MLIP: variants seen among roughly 807,000 people sequenced by gnomAD.
MLIP encodes the protein muscular LMNA interacting protein, also known as muscular LMNA-interacting protein.
MLIP carries 79 observed loss-of-function variants against 84.8 expected under a neutral mutation model. The ratio of observed to expected loss-of-function variants is 0.93; its 90% CI spans 0.78 to 1.12. MLIP has a LOEUF of 1.12. MLIP is among the 50% of genes most tolerant of loss of function. MLIP has a pLI of 0.00. For synonymous variants in MLIP, 504 were observed against 463.0 expected, an observed-to-expected ratio of 1.09 and a Z score of -1.14; for missense variants, 1,257 against 1,160.6, an observed-to-expected ratio of 1.08 and a Z score of -1.21.
At chr6:54,144,272 T>G (rs972962188) in intron 4 of MLIP, among the ~76,000 whole-genome samples, 1 of 152,194 alleles carries the variant, frequency 6.6e-6, no homozygotes, top group African/African-American at 2.4e-5. Flanking sequence ...AAAGTGTACA[T>G]GTAGAGTGAT....
At chr6:54,206,429 G>A (rs186670452) in intron 11 of MLIP, among the ~76,000 whole-genome samples, 32 of 149,698 alleles carry the variant, frequency 2.1e-4, no homozygotes, top group African/African-American at 5.6e-4. Context: ...TTTTTTTTCC[G>A]TTTGTGAGAA....
At chr6:54,123,223 C>T (rs978400477) in intron 2 of MLIP, among the ~76,000 whole-genome samples, 1 of 152,170 alleles carries the variant, frequency 6.6e-6, no homozygotes, top group Non-Finnish European at 1.5e-5. Context: ...GCTTGAGCCA[C>T]CGCGCCCGGC....
intron 1 of MLIP, among the ~76,000 whole-genome samples, chr6:54,105,642 A>T (rs1207252652): frequency 1.3e-5 from 2 of 152,164 alleles, no homozygotes; most frequent in African/African-American, 4.8e-5. Flanking sequence ...GAAAAATAAC[A>T]TGGGCTAAGA....
At chr6:54,229,379 A>G (rs942021223) in intron 11 of MLIP, among the ~76,000 whole-genome samples, 18 of 152,186 alleles carry the variant, frequency 1.2e-4, no homozygotes, top group African/African-American at 3.6e-4. Flanking sequence ...TTCAACTTTT[A>G]AGTTCCAGGG....
chr6:54,248,948 G>T (rs1782270892), intron 12 of MLIP, among the ~76,000 whole-genome samples: 1 of 152,056 alleles, frequency 6.6e-6, no homozygotes, highest in South Asian at 2.1e-4. Flanking sequence ...GTACACAAAA[G>T]AATGTAGTGA....
chr6:54,055,280 AT>A (rs1456188248), intron 1 of MLIP, among the ~76,000 whole-genome samples: 6 of 152,166 alleles, frequency 3.9e-5, no homozygotes, highest in Non-Finnish European at 8.8e-5. Flanking sequence ...CACAGCAGGG[AT>A]TATTTATCAA....
At chr6:54,127,227 GA>G (rs60281395) in intron 3 of MLIP, among the ~76,000 whole-genome samples, 84,224 of 151,900 alleles carry the variant, frequency 0.55, 24,859 homozygotes, top group South Asian at 0.7. Flanking sequence ...TTTAGTGGGG[GA>G]AAAAATTCTC....
At position 54,124,772 on chromosome 6, in the gene MLIP, T is replaced by C; in HGVS notation, c.552T>C (p.Asp184=). ...CTATCTCGTCCAGTCTGGTCTCTGA[T>C]GTAGTGCGTCCCAAAACACAGGGGA... is the stretch of plus-strand genomic sequence containing the variant. ...SLAISSSLVS[D]VVRPKTQGTD... is the part of the protein sequence containing the mutation. The change falls in exon 3 of 14, where the codon GAT becomes GAC. Residue 184 remains aspartate (D), a synonymous_variant. Coordinates refer to ENST00000502396, the MANE Select transcript of MLIP (RefSeq NM_001281747.2). The C allele has an allele frequency of 1.9e-6, 3 of 1,614,190 alleles. No homozygotes were observed. Among genetic ancestry groups the C allele is most frequent in the Non-Finnish European group, 2.5e-6 (3 of 1,180,032 alleles).
At chr6:54,217,701 C>T (rs1054694090) in intron 11 of MLIP, 6 of 984,710 alleles carry the variant, frequency 6.1e-6, no homozygotes, top group African/African-American at 5.2e-5. Context: ...TGAAAGAGGA[C>T]AATTCTCAAG....
chr6:54,172,792 A>G (rs1775902204), intron 9 of MLIP, among the ~76,000 whole-genome samples: 1 of 151,640 alleles, frequency 6.6e-6, no homozygotes, highest in Non-Finnish European at 1.5e-5. Context: ...GTATTGTGAC[A>G]TTTCATACAG....
intron 12 of MLIP, among the ~76,000 whole-genome samples, chr6:54,239,120 T>TA (rs1781552988): frequency 6.6e-6 from 1 of 151,928 alleles, no homozygotes; most frequent in Non-Finnish European, 1.5e-5. Flanking sequence ...AGTAGTCTCT[T>TA]AAAAAATCTC....
upstream of MLIP, among the ~76,000 whole-genome samples, chr6:54,107,307 A>T (rs866580121): frequency 5.9e-5 from 9 of 152,324 alleles, no homozygotes; most frequent in Admixed American, 2.0e-4. Context: ...GCGGTATACT[A>T]CTATAAGCAG....
At chr6:54,190,073 G>A (rs1777765836) in intron 10 of MLIP, among the ~76,000 whole-genome samples, 159 bp downstream of exon 10, 1 of 152,106 alleles carries the variant, frequency 6.6e-6, no homozygotes, top group African/African-American at 2.4e-5. Flanking sequence ...GCTCCATGGT[G>A]GTTGTTTTGC....
At chr6:54,026,985 C>T (rs1440317792) in intron 1 of MLIP, among the ~76,000 whole-genome samples, 2 of 152,128 alleles carry the variant, frequency 1.3e-5, no homozygotes, top group Admixed American at 1.3e-4. Flanking sequence ...ATCAAAAGTG[C>T]TCTCTGGCTG....
At chr6:54,262,469 T>C (rs1783449682) in intron 13 of MLIP, among the ~76,000 whole-genome samples, 1 of 152,054 alleles carries the variant, frequency 6.6e-6, no homozygotes, top group South Asian at 2.1e-4. Flanking sequence ...TCATCTTAAG[T>C]TCACCTGGAA....
chr6:54,121,896 T>C (rs1424778683), intron 2 of MLIP, among the ~76,000 whole-genome samples: 1 of 152,180 alleles, frequency 6.6e-6, no homozygotes, highest in African/African-American at 2.4e-5. Flanking sequence ...AAAACAAAAT[T>C]TAAAAATGTT....
intron 5 of MLIP, among the ~76,000 whole-genome samples, chr6:54,153,135 T>C (rs1176769529): frequency 6.6e-6 from 1 of 152,156 alleles, no homozygotes; most frequent in Non-Finnish European, 1.5e-5. Context: ...GCAGCTCAGT[T>C]TTATAAGTAG....
chr6:54,080,459 T>G (rs1343278270), intron 1 of MLIP, among the ~76,000 whole-genome samples: 1 of 127,486 alleles, frequency 7.8e-6, no homozygotes, highest in Non-Finnish European at 1.7e-5. Flanking sequence ...TGTAAAAAGC[T>G]TTTTGAATGT....
intron 11 of MLIP, among the ~76,000 whole-genome samples, chr6:54,229,984 A>G (rs1780867568): frequency 6.6e-6 from 1 of 152,202 alleles, no homozygotes; most frequent in East Asian, 1.9e-4. Flanking sequence ...CACATAATTC[A>G]TGGCCTCATG....
Sources: allele counts gnomAD v4.1 joint callset (sites outside exome capture counted in the v4.1 genomes callset), GRCh38; gene constraint gnomAD v4.1.1; transcripts MANE v1.5; gene names NCBI Gene and HGNC (gene_info 2026-07-23, HGNC 2026-07-21).